Variants in ACSL1 observed in about 807,000 individuals in gnomAD.
ACSL1 encodes acyl-CoA synthetase long chain family member 1.
ACSL1 carries 41 observed loss-of-function variants against 98.4 expected under a neutral mutation model. The ratio of observed to expected loss-of-function variants is 0.42; its 90% CI spans 0.32 to 0.54. ACSL1 has a LOEUF of 0.54. Among genes scored for constraint, ACSL1 ranks in the 20% least tolerant of loss-of-function variants. ACSL1 has a pLI of 0.13. For synonymous variants in ACSL1, 316 were observed against 322.7 expected (o/e 0.98, Z 0.22); for missense variants, 734 against 883.1 (o/e 0.83, Z 2.14).
At chr4:184,775,336 A>C (rs1279109940) in intron 7 of ACSL1, among the ~76,000 whole-genome samples, 1 of 152,224 alleles carries the variant, frequency 6.6e-6, no homozygotes, top group East Asian at 1.9e-4. Context: ...TATAATCTTC[A>C]ATCAACTAAA....
chr4:184,760,610 T>A (rs932803507), intron 17 of ACSL1, 110 bp from the exon 18 acceptor site: 1 of 1,423,942 alleles, frequency 7.0e-7, no homozygotes, highest in Non-Finnish European at 9.6e-7. Context: ...TGATTAATTC[T>A]AATAACATCC....
intron 2 of ACSL1, among the ~76,000 whole-genome samples, chr4:184,801,155 C>T (rs1770448278): frequency 6.6e-6 from 1 of 152,122 alleles, no homozygotes; most frequent in Non-Finnish European, 1.5e-5. Flanking sequence ...GCACCCAGCT[C>T]TACAATCCTG....
At chr4:184,759,757 AT>A (rs780092008) in intron 18 of ACSL1, among the ~76,000 whole-genome samples, 8 of 152,172 alleles carry the variant, frequency 5.3e-5, no homozygotes, top group Non-Finnish European at 8.8e-5. Flanking sequence ...TAGTTCAACC[AT>A]TGTGGAAGTC....
intron 15 of ACSL1, among the ~76,000 whole-genome samples, 161 bp downstream of exon 15, chr4:184,764,687 GTGCCC>G (rs939784700): frequency 3.3e-5 from 5 of 152,158 alleles, no homozygotes; most frequent in African/African-American, 9.7e-5. Context: ...TCTCCCCACA[GTGCCC>G]TGACTTACAA....
At chr4:184,812,822 C>G (rs1005781452) in intron 1 of ACSL1, among the ~76,000 whole-genome samples, 1 of 152,058 alleles carries the variant, frequency 6.6e-6, no homozygotes, top group South Asian at 2.1e-4. Context: ...AGCCCCATAC[C>G]AGGGCTGGAC....
Position 184,773,703 on chromosome 4 carries a change from A to G in ACSL1, c.801T>C (p.Pro267=), listed in dbSNP as rs778727620. Residue 267 remains proline (P), a synonymous_variant, in exon 9 of 21, where the codon CCT becomes CCC. Transcript: ENST00000281455. The surrounding 1 kb of genome is among the most constrained non-coding windows in gnomAD (Gnocchi z 4.3). The part of the protein sequence containing the change: ...ANRRKPKPPA[P]EDLAVICFTS... The stretch of plus-strand genomic sequence containing the variant: ...TGAAACAAATTACTGCAAGATCTTC[A>G]GGTGCTGGAGGCTAAAGATTAAAAA... 1 of 1,609,242 alleles carries G rather than the reference A, an allele frequency of 6.2e-7. No individual in the cohort carries two copies. The highest frequency in any genetic ancestry group is 1.1e-5 in the South Asian group (1 of 90,328).
chr4:184,793,194 T>TA (rs5864899), intron 2 of ACSL1, among the ~76,000 whole-genome samples: 194 of 135,994 alleles, frequency 1.4e-3, no homozygotes, highest in East Asian at 8.2e-3. Flanking sequence ...TGTTCCCAGT[T>TA]AAAAAAAAAA....
chr4:184,817,406 A>G (rs138846317), intron 1 of ACSL1, among the ~76,000 whole-genome samples: 2,100 of 152,310 alleles, frequency 0.014, 26 homozygotes, highest in Middle Eastern at 0.048. Context: ...TGGCCAAAAA[A>G]TAACTATCCA....
chr4:184,761,453 A>G (rs1470505307), intron 17 of ACSL1, among the ~76,000 whole-genome samples: 2 of 152,222 alleles, frequency 1.3e-5, no homozygotes, highest in South Asian at 2.1e-4. Flanking sequence ...GCTTGCAATC[A>G]GCATCATAAT....
chr4:184,758,098 G>T, intron 18 of ACSL1, 178 bp from the exon 19 acceptor site: 1 of 579,332 alleles, frequency 1.7e-6, no homozygotes. Context: ...AAGAACTCCT[G>T]GCTCTAAAAT....
chr4:184,810,374 A>C (rs1265129423), intron 1 of ACSL1, among the ~76,000 whole-genome samples: 2 of 152,190 alleles, frequency 1.3e-5, no homozygotes, highest in Non-Finnish European at 2.9e-5. Context: ...CCTTGGTAAG[A>C]CTTAACTAGG....
At chr4:184,793,794 C>G (rs144503120) in intron 2 of ACSL1, among the ~76,000 whole-genome samples, 2 of 152,280 alleles carry the variant, frequency 1.3e-5, no homozygotes, top group African/African-American at 4.8e-5. Flanking sequence ...GCATGTAGAA[C>G]CACAGTCCGG....
At chr4:184,770,244 G>A (rs764901028) in intron 11 of ACSL1, 155 bp downstream of exon 11, 9 of 1,539,038 alleles carry the variant, frequency 5.8e-6, no homozygotes, top group South Asian at 2.4e-5. Flanking sequence ...CAGTCCGCAC[G>A]CCACACTTAC....
chr4:184,813,619 G>A (rs1772338159), intron 1 of ACSL1: 4 of 307,670 alleles, frequency 1.3e-5, no homozygotes, highest in Non-Finnish European at 2.7e-5. Flanking sequence ...AGGGTATTAG[G>A]CAAGACAAGC....
chr4:184,779,361 C>T (rs966697664), intron 5 of ACSL1, among the ~76,000 whole-genome samples: 33 of 152,168 alleles, frequency 2.2e-4, no homozygotes, highest in East Asian at 5.8e-4. Context: ...AAGTGCCTTT[C>T]ACCTCCTGCC....
At chr4:184,793,283 A>C (rs527510702) in intron 2 of ACSL1, among the ~76,000 whole-genome samples, 1 of 152,008 alleles carries the variant, frequency 6.6e-6, no homozygotes. Flanking sequence ...CTACAAGCTC[A>C]GGTTCCTCCT....
intron 2 of ACSL1, among the ~76,000 whole-genome samples, chr4:184,799,197 C>A (rs898673641): frequency 2.0e-5 from 3 of 150,278 alleles, no homozygotes; most frequent in Non-Finnish European, 2.9e-5. Flanking sequence ...CGGGTCACTG[C>A]AACCTCCGCC....
Position 184,757,095 on chromosome 4 carries a change from T to C in ACSL1, c.*30A>G, listed in dbSNP as rs1762201746. 9.7e-6 allele frequency: 15 copies of C among 1,546,082 alleles called. No homozygotes were observed. Among genetic ancestry groups the C allele is most frequent in the Non-Finnish European group, 1.3e-5 (15 of 1,133,814 alleles). On this transcript the variant is annotated 3_prime_UTR_variant, in exon 21 of 21. Transcript: ENST00000281455. The surrounding 1 kb of genome is among the most constrained non-coding windows in gnomAD (Gnocchi z 4.5). ...AGCAGGAGAAGAGATTGTGGAACTG[T>C]GCCATTTCCTCTGAGCTTTCTTCTT... is the stretch of plus-strand genomic sequence containing the variant.
intron 1 of ACSL1, among the ~76,000 whole-genome samples, chr4:184,822,242 T>C (rs1053709002): frequency 5.9e-5 from 9 of 152,128 alleles, no homozygotes; most frequent in Admixed American, 5.2e-4. Context: ...AACAAGCTAT[T>C]TGCCTCCAGA....
Sources: gnomAD v4.1 joint callset for allele counts (sites outside exome capture counted in the v4.1 genomes callset) on GRCh38, gnomAD v4.1.1 for gene constraint, Gnocchi (gnomAD v3.1) non-coding constraint, MANE v1.5 for transcripts, NCBI Gene and HGNC (gene_info 2026-07-23, HGNC 2026-07-21) for gene names.